Variants in POLR3GL observed in about 807,000 individuals in gnomAD.
The protein encoded by POLR3GL is RNA polymerase III subunit GL, also known as DNA-directed RNA polymerase III subunit RPC7-like.
A neutral mutation model predicts 32.4 loss-of-function variants in POLR3GL; 26 were observed. That is an observed-to-expected ratio of 0.80 (90% CI 0.59 to 1.11). POLR3GL has a LOEUF of 1.11. POLR3GL is among the 50% of genes most tolerant of loss of function. POLR3GL has a pLI of 0.00. For synonymous variants in POLR3GL, 95 were observed against 98.7 expected (o/e 0.96, Z 0.22); for missense variants, 229 against 280.1 (o/e 0.82, Z 1.30).
intron 1 of POLR3GL, among the ~76,000 whole-genome samples, chr1:145,968,877 T>C (rs1253346339): frequency 2.6e-5 from 4 of 151,968 alleles, no homozygotes; most frequent in Non-Finnish European, 5.9e-5. Flanking sequence ...AGCCAACAAA[T>C]TCTTATTATT....
chr1:145,977,159 G>GA lies in POLR3GL; in HGVS notation c.325+8dup, dbSNP rs781866764. The GA allele has an allele frequency of 6.2e-7, 1 of 1,611,506 alleles. No individual in the cohort carries two copies. The highest frequency in any genetic ancestry group is 8.5e-7 in the Non-Finnish European group (1 of 1,177,654). ...GCCATCGATTGGAACCCTGGTAGGT[G>GA]ATGGGCCCTTTCATTGACTGCCCTT... is the stretch of plus-strand genomic sequence containing the variant. On this transcript the variant is annotated splice_region_variant and intron_variant, in intron 4 of 7. Coordinates refer to ENST00000369314, the MANE Select transcript of POLR3GL (RefSeq NM_032305.3).
chr1:145,968,969 C>T (rs2101929881), intron 1 of POLR3GL, among the ~76,000 whole-genome samples: 1 of 152,292 alleles, frequency 6.6e-6, no homozygotes, highest in East Asian at 1.9e-4. Flanking sequence ...AACCAACAGC[C>T]ATTGTTTCCT....
At chr1:145,966,911 G>A (rs782747299) in intron 1 of POLR3GL, among the ~76,000 whole-genome samples, 2 of 152,090 alleles carry the variant, frequency 1.3e-5, no homozygotes, top group Non-Finnish European at 2.9e-5. Flanking sequence ...GCTCTTTGAT[G>A]AATATCCTTT....
In POLR3GL at chr1:145,977,984, C is replaced by T. The variant is rs1420799597; in HGVS notation, c.458C>T (p.Thr153Ile). The T allele has an allele frequency of 2.5e-6, 4 of 1,613,304 alleles. No individual in the cohort carries two copies. In the Admixed American group the frequency reaches 6.7e-5, roughly 27 times the overall value. The change falls in exon 7 of 8, where the codon ACC (threonine) becomes ATC (isoleucine). Residue 153 changes from threonine (T) to isoleucine (I), a missense_variant and splice_region_variant. Coordinates refer to ENST00000369314, the MANE Select transcript of POLR3GL (RefSeq NM_032305.3). ...DKEETIQKLE[T>I]LEKKEEEVTS... The stretch of plus-strand genomic sequence containing the variant: ...TATTCCTATTCATCCCCACATGAGA[C>T]CCTGGAGAAGAAGGAAGAAGAAGTA...
At chr1:145,972,476 G>A in intron 1 of POLR3GL, among the ~76,000 whole-genome samples, 1 of 151,088 alleles carries the variant, frequency 6.6e-6, no homozygotes, top group Non-Finnish European at 1.5e-5. Context: ...TGAGAGATTT[G>A]TCTTTTTTCC....
chr1:145,970,286 C>G (rs587603357), intron 1 of POLR3GL, among the ~76,000 whole-genome samples: 12 of 152,198 alleles, frequency 7.9e-5, no homozygotes, highest in Admixed American at 2.6e-4. Context: ...GCTGGGACTA[C>G]TGGCATGTGC....
At chr1:145,967,518 A>AT (rs1391458030) in intron 1 of POLR3GL, among the ~76,000 whole-genome samples, 1 of 151,886 alleles carries the variant, frequency 6.6e-6, no homozygotes, top group Non-Finnish European at 1.5e-5. Context: ...TCCTTTGCCC[A>AT]TTTTTTCTAT....
chr1:145,971,303 A>G (rs1450008894), intron 1 of POLR3GL, among the ~76,000 whole-genome samples: 2 of 151,618 alleles, frequency 1.3e-5, no homozygotes, highest in Non-Finnish European at 2.9e-5. Flanking sequence ...GTTTTTACCT[A>G]TTGCTCTTTT....
chr1:145,969,674 A>G (rs1354470976), intron 1 of POLR3GL, among the ~76,000 whole-genome samples: 2 of 151,116 alleles, frequency 1.3e-5, no homozygotes, highest in Non-Finnish European at 3.0e-5. Flanking sequence ...TAATCCCAGC[A>G]CTTTGGGAGG....
chr1:145,975,265 A>T, intron 2 of POLR3GL, 42 bp from the exon 3 acceptor site: 1 of 1,593,612 alleles, frequency 6.3e-7, no homozygotes, highest in Non-Finnish European at 8.6e-7. Flanking sequence ...AATTTGTACT[A>T]GCATTTTCTC....
Position 145,975,204 on chromosome 1 carries a change from C to G in POLR3GL, c.127-103C>G. The G allele has an allele frequency of 2.8e-6, 4 of 1,453,554 alleles. No individual in the cohort carries two copies. The South Asian group carries it at 5.1e-5, about 18-fold the overall frequency. 90.0% of individuals were successfully genotyped at this position (1,453,554 alleles called of 1,614,324 possible). A position where few individuals can be genotyped will look rare whatever the true frequency, so the allele number is the denominator to read the frequency against. ...TGTTACTCCCTCGATTGTCATTTGG[C>G]CCTCTGCTCAGTGGGAGTGTTAGAC... On this transcript the variant is annotated intron_variant, in intron 2 of 7. Transcript: ENST00000369314.
At chr1:145,978,184 G>A in intron 7 of POLR3GL, 88 bp downstream of exon 7, 1 of 1,534,224 alleles carries the variant, frequency 6.5e-7, no homozygotes, top group Non-Finnish European at 8.8e-7. Flanking sequence ...CATGCCAACA[G>A]AGATAGTGCC....
chr1:145,976,948 C>G, intron 3 of POLR3GL, 136 bp from the exon 4 acceptor site: 1 of 627,182 alleles, frequency 1.6e-6, no homozygotes, highest in Non-Finnish European at 2.9e-6. Flanking sequence ...AAGGTCCTCA[C>G]TGAAGCTGAC....
Position 145,974,973 on chromosome 1 carries a change from G to T in POLR3GL, c.108G>T (p.Gln36His), listed in dbSNP as rs1650484508. The T allele has an allele frequency of 6.6e-6, 10 of 1,519,608 alleles. No homozygotes were observed. The East Asian group carries it at 2.2e-4, about 34-fold the overall frequency. 94.1% of individuals were successfully genotyped at this position (1,519,608 alleles called of 1,614,324 possible). A position where few individuals can be genotyped will look rare whatever the true frequency, so the allele number is the denominator to read the frequency against. Residue 36 changes from glutamine (Q) to histidine (H), a missense_variant, in exon 2 of 8, where the codon CAG becomes CAT. Coordinates refer to ENST00000369314, the MANE Select transcript of POLR3GL (RefSeq NM_032305.3). ...KGDALPPPTLQPSPLFPPLEF... is the reference protein window; with the variant it reads ...KGDALPPPTLHPSPLFPPLEF... ...ATGCTTTGCCCCCACCCACCCTGCA[G>T]CCTTCTCCACTCTTCCCTGTGAGTC...
chr1:145,974,646 C>G (rs782754643), intron 1 of POLR3GL, among the ~76,000 whole-genome samples, 179 bp from the exon 2 acceptor site: 13 of 152,166 alleles, frequency 8.5e-5, no homozygotes, highest in Non-Finnish European at 1.9e-4. Context: ...GGGACCATGT[C>G]TCATTCATGT....
At chr1:145,977,583 C>T in intron 5 of POLR3GL, 44 bp downstream of exon 5, 1 of 1,572,010 alleles carries the variant, frequency 6.4e-7, no homozygotes, top group Non-Finnish European at 8.8e-7. Flanking sequence ...AGGTTTCCTT[C>T]ATCAGCCTGA....
chr1:145,968,112 T>C, intron 1 of POLR3GL, among the ~76,000 whole-genome samples: 1 of 152,202 alleles, frequency 6.6e-6, no homozygotes, highest in East Asian at 1.9e-4. Context: ...TAATTGGGAA[T>C]GAGCATAGTG....
chr1:145,976,504 G>A (rs1553763415), intron 3 of POLR3GL, among the ~76,000 whole-genome samples: 2 of 151,920 alleles, frequency 1.3e-5, no homozygotes, highest in Non-Finnish European at 2.9e-5. Context: ...TTGAACTTGG[G>A]AGGCGGAGGT....
At chr1:145,978,267 G>C (rs1199721679) in intron 7 of POLR3GL, 94 bp from the exon 8 acceptor site, 5 of 1,298,420 alleles carry the variant, frequency 3.9e-6, no homozygotes, top group African/African-American at 2.9e-5. Context: ...GATGTCTCAG[G>C]CCTGGAATGG....
Sources: allele counts gnomAD v4.1 joint callset (sites outside exome capture counted in the v4.1 genomes callset), GRCh38; gene constraint gnomAD v4.1.1; transcripts MANE v1.5; gene names NCBI Gene and HGNC (gene_info 2026-07-23, HGNC 2026-07-21).